Variants in FAM83F observed in about 807,000 individuals in gnomAD.
FAM83F encodes protein FAM83F.
Under a neutral mutation model 42.9 loss-of-function variants are expected in FAM83F, and 45 were observed. That is an observed-to-expected ratio of 1.05 (90% confidence interval 0.83 to 1.35). The LOEUF (loss-of-function observed/expected upper bound fraction) is 1.35. Among genes scored for constraint, FAM83F ranks in the 40% most tolerant of loss-of-function variants. The probability of loss-of-function intolerance (pLI) is 0.00; values close to 1 mark genes in which losing one functional copy is unlikely to be tolerated. For synonymous variants in FAM83F, 306 were observed against 298.3 expected, an observed-to-expected ratio of 1.03 and a Z score of -0.27; for missense variants, 617 against 695.9, an observed-to-expected ratio of 0.89 and a Z score of 1.28.
intron 4 of FAM83F, among the ~76,000 whole-genome samples, chr22:40,024,284 A>G (rs2067538377): frequency 6.6e-6 from 1 of 152,112 alleles, no homozygotes; most frequent in Non-Finnish European, 1.5e-5. Context: ...GGCACAAGCC[A>G]CCGCGCCTGG....
chr22:40,000,927 C>T (rs2067397983), intron 1 of FAM83F, among the ~76,000 whole-genome samples: 1 of 152,220 alleles, frequency 6.6e-6, no homozygotes, highest in Non-Finnish European at 1.5e-5. Flanking sequence ...AATCGTTCCA[C>T]CCTTCTGCAA....
At chr22:40,009,271 G>A (rs2067451104) in intron 1 of FAM83F, among the ~76,000 whole-genome samples, 1 of 152,126 alleles carries the variant, frequency 6.6e-6, no homozygotes, top group Admixed American at 6.5e-5. Flanking sequence ...GCCCCCCCGA[G>A]ATCAGCAAGC....
intron 1 of FAM83F, among the ~76,000 whole-genome samples, chr22:40,016,169 T>C (rs910876388): frequency 6.6e-6 from 1 of 151,386 alleles, no homozygotes; most frequent in African/African-American, 2.4e-5. Flanking sequence ...AATAACATTG[T>C]CAGTGATTGA....
rs1182739494 is a variant in FAM83F at position 40,021,783 on chromosome 22, G to T, written c.1273G>T (p.Gly425Ter). The change falls in exon 4 of 5, where the codon GGA becomes TGA. Residue 425 changes from glycine to a stop codon, truncating the protein, a stop_gained. Coordinates refer to ENST00000333407, the MANE Select transcript of FAM83F (RefSeq NM_138435.4). LOFTEE classifies it high-confidence loss of function. The surrounding 1 kb of genome is among the most constrained non-coding windows in gnomAD (Gnocchi z 8.7). ...AGAGGCACCCAGCCGAAACGGCATG[G>T]GAGAAGCGGCCCGGGGGGAGGCCGC... ...SREAPSRNGMGEAARGEAAPA... is the reference protein window; with the variant it reads ...SREAPSRNGM 1 of 1,612,726 alleles carries T rather than the reference G, an allele frequency of 6.2e-7. No individual in the cohort carries two copies. The highest frequency in any genetic ancestry group is 1.7e-5 in the Admixed American group (1 of 59,998).
At chr22:40,027,705 CT>C (rs1347771403) in intron 4 of FAM83F, among the ~76,000 whole-genome samples, 1 of 152,230 alleles carries the variant, frequency 6.6e-6, no homozygotes, top group Non-Finnish European at 1.5e-5. Flanking sequence ...AATTCTGAGT[CT>C]AGGTGCTGTC....
At chr22:40,020,574 G>C (rs1452957800) in intron 3 of FAM83F, among the ~76,000 whole-genome samples, 2 of 151,940 alleles carry the variant, frequency 1.3e-5, no homozygotes, top group Admixed American at 1.3e-4. Flanking sequence ...TGTTGGCCAG[G>C]CTGGTCTCGA....
intron 3 of FAM83F, 32 bp downstream of exon 3, chr22:40,020,040 G>T: frequency 1.3e-6 from 2 of 1,591,702 alleles, no homozygotes; most frequent in Non-Finnish European, 1.7e-6. Context: ...AAGGGCCCAG[G>T]AGGCCTTGAT....
At chr22:40,002,096 A>T (rs1363681801) in intron 1 of FAM83F, among the ~76,000 whole-genome samples, 1 of 152,148 alleles carries the variant, frequency 6.6e-6, no homozygotes, top group Admixed American at 6.5e-5. Context: ...CTATGCTGGG[A>T]TCTGGCATGG....
chr22:40,028,920 C>T (rs1344146772), intron 4 of FAM83F, among the ~76,000 whole-genome samples: 1 of 152,194 alleles, frequency 6.6e-6, no homozygotes, highest in Non-Finnish European at 1.5e-5. Flanking sequence ...CCGGGAAGGC[C>T]AGGTTCTGGC....
intron 4 of FAM83F, among the ~76,000 whole-genome samples, chr22:40,027,022 C>T (rs1364621213): frequency 6.6e-6 from 1 of 152,152 alleles, no homozygotes; most frequent in African/African-American, 2.4e-5. Context: ...GAAGTGTCTG[C>T]TCTGTGCCAG....
intron 1 of FAM83F, among the ~76,000 whole-genome samples, chr22:40,018,190 G>A (rs1377682747): frequency 6.6e-6 from 1 of 152,228 alleles, no homozygotes; most frequent in Admixed American, 6.5e-5. Context: ...GAAGGCCAAG[G>A]GAATCCAAGC....
chr22:40,026,902 C>T (rs1482453143), intron 4 of FAM83F, among the ~76,000 whole-genome samples: 2 of 152,276 alleles, frequency 1.3e-5, no homozygotes, highest in East Asian at 1.9e-4. Context: ...GCTCTTGCTG[C>T]GTCTGGGGCA....
intron 4 of FAM83F, among the ~76,000 whole-genome samples, chr22:40,022,195 T>C (rs965247598): frequency 7.9e-5 from 12 of 152,196 alleles, no homozygotes; most frequent in African/African-American, 1.7e-4. Context: ...CATTTTCCTC[T>C]TCTCTGAAAA....
intron 1 of FAM83F, among the ~76,000 whole-genome samples, chr22:40,018,842 G>A (rs2067504625): frequency 6.6e-6 from 1 of 152,112 alleles, no homozygotes; most frequent in Non-Finnish European, 1.5e-5. Flanking sequence ...ACCTGCCTTG[G>A]CCTCCCAAAG....
chr22:40,025,005 C>T (rs527774177), intron 4 of FAM83F, among the ~76,000 whole-genome samples: 5 of 152,276 alleles, frequency 3.3e-5, no homozygotes, highest in Admixed American at 1.3e-4. Flanking sequence ...GTCTTCCCTC[C>T]GCCCTCGCCT....
intron 2 of FAM83F, among the ~76,000 whole-genome samples, 174 bp downstream of exon 2, chr22:40,019,509 A>T (rs1168677833): frequency 6.6e-6 from 1 of 152,184 alleles, no homozygotes; most frequent in East Asian, 1.9e-4. Flanking sequence ...TTTACTGTTA[A>T]CTACTGAATC....
intron 1 of FAM83F, among the ~76,000 whole-genome samples, chr22:40,012,001 C>T (rs987244081): frequency 6.6e-6 from 1 of 152,196 alleles, no homozygotes; most frequent in Non-Finnish European, 1.5e-5. Context: ...GACAACGGTC[C>T]CCTTTCCTCC....
intron 4 of FAM83F, among the ~76,000 whole-genome samples, chr22:40,025,791 T>G (rs2067548567): frequency 6.6e-6 from 1 of 152,182 alleles, no homozygotes; most frequent in South Asian, 2.1e-4. Flanking sequence ...AATCTGCATT[T>G]TAAATTAGGG....
intron 1 of FAM83F, among the ~76,000 whole-genome samples, chr22:40,001,069 C>T (rs942749607): frequency 1.1e-4 from 17 of 152,206 alleles, no homozygotes; most frequent in African/African-American, 4.1e-4. Context: ...GATCTTGCCC[C>T]GGCCTGTCCA....
Sources: allele counts gnomAD v4.1 joint callset (sites outside exome capture counted in the v4.1 genomes callset), GRCh38; gene constraint gnomAD v4.1.1; non-coding constraint Gnocchi (gnomAD v3.1); transcripts MANE v1.5; gene names NCBI Gene and HGNC (gene_info 2026-07-23, HGNC 2026-07-21).